The following SNTB1 variants were observed in gnomAD, a reference collection of about 807,000 sequenced individuals.
SNTB1 encodes the protein beta-1-syntrophin.
Under a neutral mutation model 48.9 loss-of-function variants are expected in SNTB1, and 36 were observed. The observed-to-expected ratio is 0.74, with a 90% CI of 0.56 to 0.97. SNTB1 has a LOEUF of 0.97. Ranked by LOEUF, SNTB1 falls within the 50% of genes least tolerant of loss-of-function variation. SNTB1 has a pLI of 0.00. For missense variants in SNTB1, 786 were observed against 703.4 expected (o/e 1.12, Z -1.33); for synonymous variants, 299 against 294.6 (o/e 1.01, Z -0.15).
intron 2 of SNTB1, among the ~76,000 whole-genome samples, chr8:120,656,584 G>A (rs889131896): frequency 3.9e-5 from 6 of 152,112 alleles, no homozygotes; most frequent in Non-Finnish European, 8.8e-5. Flanking sequence ...AAATAGACAA[G>A]GTGCTATGCA....
intron 1 of SNTB1, among the ~76,000 whole-genome samples, chr8:120,762,082 C>T (rs1426978945): frequency 6.6e-6 from 1 of 152,186 alleles, no homozygotes; most frequent in Non-Finnish European, 1.5e-5. Context: ...GCAATACCCA[C>T]GTTTAGAAGC....
intron 3 of SNTB1, among the ~76,000 whole-genome samples, chr8:120,624,869 A>C (rs1816850978): frequency 6.6e-6 from 1 of 152,254 alleles, no homozygotes; most frequent in South Asian, 2.1e-4. Flanking sequence ...AAAAGGGAGA[A>C]ATAGGCAAGA....
chr8:120,771,482 C>T (rs1819628062), intron 1 of SNTB1, among the ~76,000 whole-genome samples: 1 of 152,190 alleles, frequency 6.6e-6, no homozygotes, highest in African/African-American at 2.4e-5. Context: ...GTTTAAATTT[C>T]TTCGCTAAGA....
At chr8:120,564,563 G>GA (rs1243511893) in intron 4 of SNTB1, among the ~76,000 whole-genome samples, 9 of 36,250 alleles carry the variant, frequency 2.5e-4, no homozygotes, top group African/African-American at 7.0e-4. Flanking sequence ...CTATTATTCT[G>GA]GTTTTTTTTT....
chr8:120,633,462 G>T (rs547664692), intron 2 of SNTB1, among the ~76,000 whole-genome samples: 1 of 151,952 alleles, frequency 6.6e-6, no homozygotes, highest in South Asian at 2.1e-4. Flanking sequence ...AAAATTAGCC[G>T]GGCATGATGG....
At chr8:120,555,324 T>C (rs2130660185) in intron 4 of SNTB1, among the ~76,000 whole-genome samples, 1 of 152,332 alleles carries the variant, frequency 6.6e-6, no homozygotes, top group African/African-American at 2.4e-5. Context: ...CTGAATTTTA[T>C]AGTCCGGTTT....
intron 4 of SNTB1, among the ~76,000 whole-genome samples, chr8:120,558,807 C>A (rs1336374763): frequency 6.6e-6 from 1 of 152,140 alleles, no homozygotes; most frequent in Non-Finnish European, 1.5e-5. Flanking sequence ...ATGAATATTG[C>A]ATGGAGCAGT....
At chr8:120,731,074 T>C (rs1316640185) in intron 1 of SNTB1, among the ~76,000 whole-genome samples, 3 of 152,100 alleles carry the variant, frequency 2.0e-5, no homozygotes, top group African/African-American at 7.2e-5. Flanking sequence ...TGAGTCAAGA[T>C]AGCACCACTG....
intron 4 of SNTB1, among the ~76,000 whole-genome samples, chr8:120,560,218 C>T (rs1368858127): frequency 1.3e-5 from 2 of 152,156 alleles, no homozygotes; most frequent in Non-Finnish European, 2.9e-5. Flanking sequence ...TGCGGTGGCT[C>T]ATGCGTGTAA....
chr8:120,797,156 C>T (rs1221422670), intron 1 of SNTB1, among the ~76,000 whole-genome samples: 2 of 151,926 alleles, frequency 1.3e-5, no homozygotes, highest in African/African-American at 2.4e-5. Context: ...CTGATAAATA[C>T]AGAGTGATAA....
At chr8:120,720,114 GA>G (rs1413899182) in intron 1 of SNTB1, among the ~76,000 whole-genome samples, 1 of 152,212 alleles carries the variant, frequency 6.6e-6, no homozygotes, top group Non-Finnish European at 1.5e-5. Flanking sequence ...GCAAGATGAG[GA>G]AAAGCTCACT....
intron 2 of SNTB1, among the ~76,000 whole-genome samples, chr8:120,676,001 T>C (rs7837985): frequency 0.55 from 83,870 of 152,094 alleles, 25,854 homozygotes; most frequent in African/African-American, 0.85. Context: ...TTCCCAGATT[T>C]CCTTGCAGTA....
chr8:120,609,887 A>C (rs1816592548), intron 3 of SNTB1, among the ~76,000 whole-genome samples: 1 of 152,142 alleles, frequency 6.6e-6, no homozygotes, highest in Non-Finnish European at 1.5e-5. Flanking sequence ...CTTCCTGGGA[A>C]CCATAGCATA....
chr8:120,726,562 T>C (rs1412855746), intron 1 of SNTB1, among the ~76,000 whole-genome samples: 1 of 152,192 alleles, frequency 6.6e-6, no homozygotes, highest in Non-Finnish European at 1.5e-5. Flanking sequence ...TAGACTCCTG[T>C]TTAAATATCA....
intron 3 of SNTB1, among the ~76,000 whole-genome samples, chr8:120,619,298 CAT>C (rs34972312): frequency 0.041 from 6,082 of 147,476 alleles, 542 homozygotes; most frequent in East Asian, 0.41. Context: ...GAAAATTATA[CAT>C]ATATATATAT....
intron 1 of SNTB1, among the ~76,000 whole-genome samples, chr8:120,802,343 T>C (rs912912346): frequency 1.3e-5 from 2 of 152,168 alleles, no homozygotes; most frequent in East Asian, 1.9e-4. Flanking sequence ...GTTTGCTGTG[T>C]AGGTTAAATC....
chr8:120,592,052 A>G (rs1272072593), intron 3 of SNTB1, among the ~76,000 whole-genome samples: 3 of 152,256 alleles, frequency 2.0e-5, no homozygotes, highest in Non-Finnish European at 2.9e-5. Context: ...AGTTGATCCC[A>G]TTCATGAAGA....
intron 1 of SNTB1, among the ~76,000 whole-genome samples, chr8:120,762,998 G>C (rs1819448169): frequency 6.6e-6 from 1 of 152,154 alleles, no homozygotes; most frequent in African/African-American, 2.4e-5. Context: ...GGAAGCTGAG[G>C]CTCAGAGGTT....
At chr8:120,745,362 T>C (rs1439009325) in intron 1 of SNTB1, among the ~76,000 whole-genome samples, 3 of 151,808 alleles carry the variant, frequency 2.0e-5, no homozygotes, top group Non-Finnish European at 2.9e-5. Flanking sequence ...CAGCATTCCA[T>C]CCATTTCCTG....
Sources: gnomAD v4.1 joint callset for allele counts (sites outside exome capture counted in the v4.1 genomes callset) on GRCh38, gnomAD v4.1.1 for gene constraint, MANE v1.5 for transcripts, NCBI Gene and HGNC (gene_info 2026-07-23, HGNC 2026-07-21) for gene names.